The following NDFIP2 variants were observed in gnomAD, a reference collection of about 807,000 sequenced individuals.
The protein encoded by NDFIP2 is NEDD4 family-interacting protein 2.
In NDFIP2, 19 loss-of-function variants were observed where a neutral mutation model predicts 36.0. The observed-to-expected ratio is 0.53, with a 90% confidence interval of 0.37 to 0.77. The LOEUF (loss-of-function observed/expected upper bound fraction) is 0.77. Among genes scored for constraint, NDFIP2 ranks in the 30% least tolerant of loss-of-function variants. NDFIP2 has a pLI of 0.00. For missense variants in NDFIP2, 446 were observed against 435.8 expected (o/e 1.02, Z -0.21); for synonymous variants, 181 against 167.7 (o/e 1.08, Z -0.61).
chr13:79,552,344 G>A (rs1375191095), intron 7 of NDFIP2, among the ~76,000 whole-genome samples, 172 bp from the exon 8 acceptor site: 1 of 151,348 alleles, frequency 6.6e-6, no homozygotes, highest in Non-Finnish European at 1.5e-5. Context: ...TTTTCTAGAT[G>A]AAAATCTGCT....
rs1874058731 is a variant in NDFIP2, at chr13:79,510,915, C to CTTTAACCTGG, written c.322-9894_322-9885dup. On this transcript the variant is annotated intron_variant, in intron 1 of 7. Transcript: ENST00000218652. ...TTGGGAGGCTGAGGCAGGATAATAGCTTTAACCTGGGAGGCAGAGGTTGCA... is the reference window on the plus strand; with the variant it reads ...TTGGGAGGCTGAGGCAGGATAATAGCTTTAACCTGGTTTAACCTGGGAGGCAGAGGTTGCA... Among the ~76,000 whole-genome samples the CTTTAACCTGG allele has an allele frequency of 3.4e-5, 5 of 148,426 alleles. No homozygotes were observed. The South Asian group carries it at 1.1e-3, about 32-fold the overall frequency.
At chr13:79,520,695 A>AT in intron 1 of NDFIP2, 115 bp from the exon 2 acceptor site, 2 of 982,922 alleles carry the variant, frequency 2.0e-6, no homozygotes, top group South Asian at 6.0e-5. Flanking sequence ...TAAAAATGCC[A>AT]TTTTCTTTGT....
intron 7 of NDFIP2, 23 bp downstream of exon 7, chr13:79,551,145 C>T (rs1875894082): frequency 6.9e-7 from 1 of 1,457,016 alleles, no homozygotes; most frequent in Non-Finnish European, 9.5e-7. Context: ...AATCTGTGAA[C>T]TCTGCCTATT....
At chr13:79,499,298 A>G (rs1594842823) in intron 1 of NDFIP2, among the ~76,000 whole-genome samples, 1 of 151,994 alleles carries the variant, frequency 6.6e-6, no homozygotes, top group African/African-American at 2.4e-5. Context: ...AGAAACTGAA[A>G]GTTTTCCTGA....
chr13:79,500,884 C>T (rs1873640573), intron 1 of NDFIP2, among the ~76,000 whole-genome samples: 1 of 152,052 alleles, frequency 6.6e-6, no homozygotes, highest in African/African-American at 2.4e-5. Context: ...TTTATAGTAG[C>T]TTTATTCATA....
At chr13:79,514,434 A>G (rs1416012225) in intron 1 of NDFIP2, among the ~76,000 whole-genome samples, 1 of 152,186 alleles carries the variant, frequency 6.6e-6, no homozygotes, top group Non-Finnish European at 1.5e-5. Flanking sequence ...GAGAGCTGTT[A>G]CTTTAGCTGG....
rs1321600627 is a variant in NDFIP2 at position 79,554,192 on chromosome 13, C to T, written c.*1679C>T. ...GTTGTATTAAAGTACCTGTGTTACACCCCTTGAAGTAAGACAGTAGCATGG... is the reference window on the plus strand; with the variant it reads ...GTTGTATTAAAGTACCTGTGTTACATCCCTTGAAGTAAGACAGTAGCATGG... On this transcript the variant is annotated 3_prime_UTR_variant, in exon 8 of 8. Transcript: ENST00000218652. 1 of 151,462 alleles carries T rather than the reference C, an allele frequency of 6.6e-6. No individual in the cohort carries two copies. The highest frequency in any genetic ancestry group is 1.9e-4 in the East Asian group (1 of 5,194). The allele number at this position is 151,462 out of a possible 1,614,324, so 9.4% of individuals were successfully genotyped here.
chr13:79,539,634 A>T (rs1213779456), intron 3 of NDFIP2, 48 bp from the exon 4 acceptor site: 3 of 1,453,440 alleles, frequency 2.1e-6, no homozygotes, highest in Non-Finnish European at 2.9e-6. Flanking sequence ...ATTTAAGATG[A>T]TAAAGTTGTA....
intron 3 of NDFIP2, 23 bp from the exon 4 acceptor site, chr13:79,539,659 A>G: frequency 1.3e-6 from 2 of 1,584,808 alleles, no homozygotes; most frequent in South Asian, 2.2e-5. Context: ...TTAGTGAGCT[A>G]TTCCAATGTT....
chr13:79,548,501 A>G, intron 6 of NDFIP2, 107 bp downstream of exon 6: 1 of 880,516 alleles, frequency 1.1e-6, no homozygotes, highest in South Asian at 1.7e-5. Flanking sequence ...TCTTCTGTAA[A>G]ATTCTCATAT....
At position 79,533,554 on chromosome 13, in the gene NDFIP2, A is replaced by G. The variant is rs1168777282; in HGVS notation, c.621+98A>G. The G allele has an allele frequency of 3.4e-6, 4 of 1,171,662 alleles. No individual in the cohort carries two copies. In the Admixed American group the frequency reaches 9.8e-5, roughly 29 times the overall value. 72.6% of individuals were successfully genotyped at this position (1,171,662 alleles called of 1,614,324 possible). A position where few individuals can be genotyped will look rare whatever the true frequency, so the allele number is the denominator to read the frequency against. ...AACAGTTCTTTGTGTGTAAGTGTGT[A>G]TGTAGATTTTTTTTGAGCATTATGG... On this transcript the variant is annotated intron_variant, in intron 3 of 7. Transcript: ENST00000218652.
chr13:79,481,678 C>T (rs946041004), intron 1 of NDFIP2, among the ~76,000 whole-genome samples, 154 bp downstream of exon 1: 1 of 152,060 alleles, frequency 6.6e-6, no homozygotes, highest in African/African-American at 2.4e-5. Flanking sequence ...AGCTGCTTCA[C>T]TCGCCTCACC....
At chr13:79,505,471 A>G (rs1321511107) in intron 1 of NDFIP2, among the ~76,000 whole-genome samples, 1 of 152,112 alleles carries the variant, frequency 6.6e-6, no homozygotes, top group Non-Finnish European at 1.5e-5. Context: ...CTCTACAAAA[A>G]AAATGTAATA....
chr13:79,523,861 G>A (rs1874687864), intron 2 of NDFIP2, among the ~76,000 whole-genome samples: 1 of 152,186 alleles, frequency 6.6e-6, no homozygotes, highest in African/African-American at 2.4e-5. Context: ...ATGTCGATGA[G>A]TATGGATCCT....
intron 1 of NDFIP2, among the ~76,000 whole-genome samples, chr13:79,493,087 C>T (rs1054770881): frequency 6.6e-6 from 1 of 152,044 alleles, no homozygotes; most frequent in Admixed American, 6.6e-5. Context: ...TGTATTTCCC[C>T]ACTAGATTGT....
At chr13:79,487,396 A>T (rs1316235857) in intron 1 of NDFIP2, among the ~76,000 whole-genome samples, 3 of 152,214 alleles carry the variant, frequency 2.0e-5, no homozygotes, top group African/African-American at 7.2e-5. Context: ...AAATCGAATG[A>T]ATACACTGCA....
chr13:79,534,350 G>GT (rs532659161), intron 3 of NDFIP2, among the ~76,000 whole-genome samples: 55,766 of 95,512 alleles, frequency 0.58, 16,846 homozygotes, highest in Admixed American at 0.63. Flanking sequence ...TTTGTCAGCT[G>GT]TTTTTTTTTT....
At chr13:79,498,112 G>A (rs949383874) in intron 1 of NDFIP2, among the ~76,000 whole-genome samples, 1 of 151,626 alleles carries the variant, frequency 6.6e-6, no homozygotes, top group African/African-American at 2.4e-5. Flanking sequence ...GGAGGGGCAG[G>A]GTAGATTACT....
intron 1 of NDFIP2, among the ~76,000 whole-genome samples, chr13:79,487,230 T>A (rs1050754772): frequency 1.3e-5 from 2 of 152,172 alleles, no homozygotes; most frequent in African/African-American, 4.8e-5. Context: ...CTGTTCTGAT[T>A]TTTTCACTTC....
Sources: gnomAD v4.1 joint callset for allele counts (sites outside exome capture counted in the v4.1 genomes callset) on GRCh38, gnomAD v4.1.1 for gene constraint, MANE v1.5 for transcripts, NCBI Gene and HGNC (gene_info 2026-07-23, HGNC 2026-07-21) for gene names.